Variants in SLF2 observed in about 807,000 individuals in gnomAD.
SLF2 encodes the protein SMC5/6 complex localization factor 2, also known as SMC5-SMC6 complex localization factor protein 2.
SLF2 carries 68 observed loss-of-function variants against 124.3 expected under a neutral mutation model. The ratio of observed to expected loss-of-function variants is 0.55; its 90% CI spans 0.45 to 0.67. SLF2 has a LOEUF of 0.67. Ranked by LOEUF, SLF2 falls within the 30% of genes least tolerant of loss-of-function variation. The pLI, the probability that SLF2 is intolerant of heterozygous loss-of-function variation, is 0.00. For synonymous variants in SLF2, 480 were observed against 478.8 expected (o/e 1.00, Z -0.03); for missense variants, 1,246 against 1,373.7 (o/e 0.91, Z 1.47).
chr10:100,931,683 A>G (rs1042940885), intron 9 of SLF2, among the ~76,000 whole-genome samples: 3 of 152,200 alleles, frequency 2.0e-5, no homozygotes, highest in African/African-American at 7.2e-5. Flanking sequence ...AGATAAATGT[A>G]GAAGTTTCTT....
At chr10:100,934,815 T>C (rs1219238241) in intron 9 of SLF2, among the ~76,000 whole-genome samples, 1 of 146,730 alleles carries the variant, frequency 6.8e-6, no homozygotes, top group Non-Finnish European at 1.5e-5. Flanking sequence ...AGAGATGGGG[T>C]TTCACCATGA....
chr10:100,961,993 G>A lies in SLF2; in HGVS notation c.*81G>A. 1.6e-6 allele frequency: 2 copies of A among 1,218,284 alleles called. No homozygotes were observed. Among genetic ancestry groups the A allele is most frequent in the East Asian group, 2.5e-5 (1 of 40,736 alleles). The allele number at this position is 1,218,284 out of a possible 1,614,324, so 75.5% of individuals were successfully genotyped here. ...TAGAGGAGTAGAAAGGATTATTACAGAATCCAATGAATGCCAAGAAAATGT... is the reference window on the plus strand; with the variant it reads ...TAGAGGAGTAGAAAGGATTATTACAAAATCCAATGAATGCCAAGAAAATGT... On this transcript the variant is annotated 3_prime_UTR_variant, in exon 20 of 20. Coordinates refer to ENST00000238961, the MANE Select transcript of SLF2 (RefSeq NM_018121.4).
At chr10:100,951,770 G>A (rs1211339338) in intron 17 of SLF2, among the ~76,000 whole-genome samples, 1 of 152,126 alleles carries the variant, frequency 6.6e-6, no homozygotes, top group East Asian at 1.9e-4. Flanking sequence ...TTCCCCTTTT[G>A]TTCCTTTAGA....
intron 6 of SLF2, among the ~76,000 whole-genome samples, chr10:100,928,717 A>C (rs112569872): frequency 1.0e-3 from 155 of 152,232 alleles, no homozygotes; most frequent in African/African-American, 3.1e-3. Flanking sequence ...TTGCTTTTCT[A>C]ATGTTGGTTT....
chr10:100,957,683 TACA>T (rs1216651064), intron 18 of SLF2, among the ~76,000 whole-genome samples: 13 of 152,016 alleles, frequency 8.6e-5, no homozygotes, highest in African/African-American at 3.1e-4. Flanking sequence ...CTTTGGGTCG[TACA>T]ACACCTAGTC....
Position 100,937,482 on chromosome 10 carries a change from G to T in SLF2, c.2512+5G>T. On this transcript the variant is annotated splice_donor_5th_base_variant and intron_variant, in intron 10 of 19. Transcript: ENST00000238961. ...TGGAAATAACAATTAGAAATGGTAA[G>T]TATATCAACTTATTAAGATTTACCG... 6.6e-7 allele frequency: 1 copy of T among 1,518,100 alleles called. No individual in the cohort carries two copies. The highest frequency in any genetic ancestry group is 9.1e-7 in the Non-Finnish European group (1 of 1,092,904). 94.0% of individuals were successfully genotyped at this position (1,518,100 alleles called of 1,614,324 possible).
At chr10:100,937,148 C>G (rs1849879375) in intron 9 of SLF2, among the ~76,000 whole-genome samples, 1 of 152,106 alleles carries the variant, frequency 6.6e-6, no homozygotes, top group Admixed American at 6.5e-5. Flanking sequence ...CAGTCCTCCA[C>G]TACAGGTGTG....
Position 100,918,449 on chromosome 10 carries a change from C to G in SLF2, c.973+8C>G, listed in dbSNP as rs767363706. On this transcript the variant is annotated splice_region_variant and intron_variant, in intron 4 of 19. Transcript: ENST00000238961. ...CATGGGAACCTACTTCAGGTAGAAT[C>G]AAAATTAAATTTATGGATTTCTAAA... 1 of 1,549,774 alleles carries G rather than the reference C, an allele frequency of 6.5e-7. No homozygotes were observed. The highest frequency in any genetic ancestry group is 1.2e-5 in the South Asian group (1 of 83,852).
chr10:100,935,859 CTTTTT>C (rs556164456), intron 9 of SLF2, among the ~76,000 whole-genome samples: 1 of 99,336 alleles, frequency 1.0e-5, no homozygotes, highest in Non-Finnish European at 2.0e-5. Context: ...TTTTTTTTTT[CTTTTT>C]TTTTTTTTTT....
intron 11 of SLF2, among the ~76,000 whole-genome samples, chr10:100,940,705 T>A (rs1215596191): frequency 1.3e-5 from 2 of 148,862 alleles, no homozygotes; most frequent in Non-Finnish European, 3.0e-5. Context: ...CTCTTTCTTT[T>A]CTTCTCTTCC....
intron 8 of SLF2, among the ~76,000 whole-genome samples, 157 bp from the exon 9 acceptor site, chr10:100,930,819 A>G (rs528235361): frequency 1.3e-5 from 2 of 152,362 alleles, no homozygotes; most frequent in East Asian, 3.9e-4. Flanking sequence ...AATTTATTTT[A>G]TGAGTAACTC....
chr10:100,947,732 T>G, intron 14 of SLF2, 28 bp from the exon 15 acceptor site: 1 of 1,497,474 alleles, frequency 6.7e-7, no homozygotes, highest in Non-Finnish European at 9.3e-7. Flanking sequence ...TAAAATACAT[T>G]CTAAATACTT....
Position 100,930,989 on chromosome 10 carries a change from G to C in SLF2, c.2347G>C (p.Asp783His), listed in dbSNP as rs772207354. The change falls in exon 9 of 20, where the codon GAT (aspartate) becomes CAT (histidine). Residue 783 changes from aspartate to histidine, a missense_variant. This residue lies in a region of SLF2 where 535 missense variants were observed against 632.8 expected (regional missense o/e 0.85). Coordinates refer to ENST00000238961, the MANE Select transcript of SLF2 (RefSeq NM_018121.4). ...EKLILKSGKT[D>H]QIFLTTQGFL... ...TTATTTTTTCAGATCGGGAAAAACA[G>C]ATCAGATTTTTTTGACAACACAAGG... 7.4e-6 allele frequency: 12 copies of C among 1,613,890 alleles called. No individual in the cohort carries two copies. Among genetic ancestry groups the C allele is most frequent in the Non-Finnish European group, 9.3e-6 (11 of 1,179,844 alleles).
intron 13 of SLF2, among the ~76,000 whole-genome samples, chr10:100,946,387 C>T (rs1336819549): frequency 1.4e-5 from 2 of 145,252 alleles, no homozygotes; most frequent in African/African-American, 5.2e-5. Flanking sequence ...AGTGCAGTGG[C>T]GCAGTCTTGT....
intron 1 of SLF2, among the ~76,000 whole-genome samples, chr10:100,915,586 A>C (rs1849399491): frequency 6.6e-6 from 1 of 152,200 alleles, no homozygotes; most frequent in South Asian, 2.1e-4. Flanking sequence ...TTTAAAACGC[A>C]GCTGTGCTTA....
intron 6 of SLF2, among the ~76,000 whole-genome samples, chr10:100,927,114 C>T (rs1849630181): frequency 6.6e-6 from 1 of 151,692 alleles, no homozygotes; most frequent in African/African-American, 2.4e-5. Context: ...TAAAATTTAC[C>T]ATTTTAACCA....
intron 3 of SLF2, among the ~76,000 whole-genome samples, 164 bp from the exon 4 acceptor site, chr10:100,918,219 AC>A (rs1435118740): frequency 6.6e-6 from 1 of 152,196 alleles, no homozygotes; most frequent in Non-Finnish European, 1.5e-5. Context: ...TATGACAAAA[AC>A]CTTAAGATCT....
chr10:100,947,200 G>A (rs1409961508), intron 14 of SLF2, 64 bp downstream of exon 14: 1 of 952,172 alleles, frequency 1.1e-6, no homozygotes, highest in African/African-American at 1.7e-5. Context: ...AAATGCCTTG[G>A]GTTGTTTATT....
At chr10:100,948,280 C>T (rs545081000) in intron 15 of SLF2, among the ~76,000 whole-genome samples, 1 of 152,094 alleles carries the variant, frequency 6.6e-6, no homozygotes, top group African/African-American at 2.4e-5. Flanking sequence ...ATGTAGTTGC[C>T]CTCTAGTACT....
Sources: gnomAD v4.1 joint callset for allele counts (sites outside exome capture counted in the v4.1 genomes callset) on GRCh38, gnomAD v4.1.1 for gene constraint, gnomAD v4.1.1 regional missense constraint, MANE v1.5 for transcripts, NCBI Gene and HGNC (gene_info 2026-07-23, HGNC 2026-07-21) for gene names.